Variants in GLCE observed in about 807,000 individuals in gnomAD.
GLCE encodes the protein glucuronic acid epimerase, also known as D-glucuronyl C5-epimerase.
In GLCE, 19 loss-of-function variants were observed where a neutral mutation model predicts 47.9. The ratio of observed to expected loss-of-function variants is 0.40; its 90% CI spans 0.28 to 0.58. The LOEUF (loss-of-function observed/expected upper bound fraction) is 0.58, where lower values mean the gene tolerates loss of function less well. GLCE is among the 20% of genes least tolerant of loss of function. The pLI, the probability that GLCE is intolerant of heterozygous loss-of-function variation, is 0.48. For missense variants in GLCE, 556 were observed against 743.3 expected, an observed-to-expected ratio of 0.75 and a Z score of 2.93; for synonymous variants, 245 against 263.4, an observed-to-expected ratio of 0.93 and a Z score of 0.68.
At chr15:69,267,255 A>C (rs1200212412) in intron 4 of GLCE, among the ~76,000 whole-genome samples, 1 of 152,200 alleles carries the variant, frequency 6.6e-6, no homozygotes, top group Non-Finnish European at 1.5e-5. Flanking sequence ...TCGGAATAAT[A>C]ACCATCATTT....
intron 1 of GLCE, among the ~76,000 whole-genome samples, chr15:69,170,463 T>A (rs1204119026): frequency 6.6e-6 from 1 of 152,168 alleles, no homozygotes; most frequent in Non-Finnish European, 1.5e-5. Context: ...AACAGTTTTT[T>A]ATGTATACTT....
In GLCE at chr15:69,239,264, C is replaced by T. The variant is rs559749076; in HGVS notation, c.-13-16530C>T. ...CTACTGAGAGATGTGCTGTTTTGCC[C>T]TTCTGCCTTTCTTTTTCTTTCTGGG... On this transcript the variant is annotated intron_variant, in intron 2 of 4. Coordinates refer to ENST00000261858, the MANE Select transcript of GLCE (RefSeq NM_015554.3). Among the ~76,000 whole-genome samples, 13 of 152,250 alleles carry T rather than the reference C, an allele frequency of 8.5e-5. No homozygotes were observed. The South Asian group carries it at 2.7e-3, about 32-fold the overall frequency.
chr15:69,176,438 G>A (rs2051666474), intron 1 of GLCE, among the ~76,000 whole-genome samples: 3 of 151,676 alleles, frequency 2.0e-5, no homozygotes, highest in Admixed American at 6.6e-5. Flanking sequence ...TGGCCAGGCT[G>A]GTCTCAAACT....
At chr15:69,177,249 A>C (rs550940793) in intron 1 of GLCE, among the ~76,000 whole-genome samples, 11 of 148,916 alleles carry the variant, frequency 7.4e-5, no homozygotes, top group African/African-American at 2.5e-4. Flanking sequence ...TTTTTAGTAG[A>C]GACAGAGTTT....
At chr15:69,237,590 C>CT (rs1430828405) in intron 2 of GLCE, among the ~76,000 whole-genome samples, 3 of 151,872 alleles carry the variant, frequency 2.0e-5, no homozygotes, top group African/African-American at 7.3e-5. Context: ...TGACAAGACT[C>CT]TGTCTCCAAA....
intron 1 of GLCE, among the ~76,000 whole-genome samples, chr15:69,208,173 T>G (rs1457608575): frequency 6.6e-6 from 1 of 151,986 alleles, no homozygotes; most frequent in East Asian, 1.9e-4. Context: ...ACTTTTAATT[T>G]TATGGATTAT....
At chr15:69,227,364 A>G (rs2140398828) in intron 2 of GLCE, among the ~76,000 whole-genome samples, 1 of 152,248 alleles carries the variant, frequency 6.6e-6, no homozygotes, top group Non-Finnish European at 1.5e-5. Flanking sequence ...CCCTATGATA[A>G]CTCAAGTCAC....
intron 2 of GLCE, among the ~76,000 whole-genome samples, chr15:69,241,086 C>G (rs1162590119): frequency 1.3e-5 from 2 of 152,162 alleles, no homozygotes; most frequent in Non-Finnish European, 2.9e-5. Context: ...TCATCATCAT[C>G]ATGATCATCA....
Position 69,160,967 on chromosome 15 carries a change from G to GTT in GLCE, c.-105+210_-105+211insTT, listed in dbSNP as rs2051409219. Among the ~76,000 whole-genome samples the GTT allele has an allele frequency of 6.6e-6, 1 of 151,994 alleles. No homozygotes were observed. The highest frequency in any genetic ancestry group is 1.9e-4 in the East Asian group (1 of 5,146). ...GCGGGCGCCCAAGGGCGGTGTAGCG[G>GTT]GTGCCGGAGCTCCCGAGGTGAGGGG... On this transcript the variant is annotated intron_variant, in intron 1 of 4. Transcript: ENST00000261858. The surrounding 1 kb of genome is among the most constrained non-coding windows in gnomAD (Gnocchi z 4.2).
intron 2 of GLCE, among the ~76,000 whole-genome samples, chr15:69,248,746 G>A (rs1014027627): frequency 1.3e-5 from 2 of 152,004 alleles, no homozygotes; most frequent in Non-Finnish European, 2.9e-5. Context: ...GACAACAGGT[G>A]CGCACCACCA....
At chr15:69,168,003 C>T (rs2051530579) in intron 1 of GLCE, among the ~76,000 whole-genome samples, 1 of 152,092 alleles carries the variant, frequency 6.6e-6, no homozygotes, top group African/African-American at 2.4e-5. Context: ...GAGAACTTTA[C>T]TGGTCACCTT....
intron 4 of GLCE, among the ~76,000 whole-genome samples, chr15:69,266,168 A>T (rs1279138124): frequency 6.6e-6 from 1 of 152,206 alleles, no homozygotes; most frequent in East Asian, 1.9e-4. Context: ...CTCATTCTTG[A>T]TACAACTTTC....
intron 2 of GLCE, among the ~76,000 whole-genome samples, chr15:69,227,280 C>T (rs2052463284): frequency 2.0e-5 from 3 of 152,076 alleles, no homozygotes. Flanking sequence ...AACTAATACC[C>T]TATAGAAAGG....
intron 2 of GLCE, among the ~76,000 whole-genome samples, chr15:69,252,137 T>C (rs966539885): frequency 1.3e-5 from 2 of 152,218 alleles, no homozygotes; most frequent in South Asian, 2.1e-4. Context: ...ATAAGGATTA[T>C]TGGAAGTTTT....
chr15:69,250,052 G>T lies in GLCE; in HGVS notation c.-13-5742G>T, dbSNP rs553490623. Among the ~76,000 whole-genome samples the T allele has an allele frequency of 2.3e-3, 343 of 152,244 alleles. 2 individuals are homozygous for T. The highest frequency in any genetic ancestry group is 8.7e-3 in the South Asian group (42 of 4,816). ...CTAATGAAATAAATCTTTAGGGTCA[G>T]CAGTAGGTGAGGTTTCAAGATTTTT... On this transcript the variant is annotated intron_variant, in intron 2 of 4. Coordinates refer to ENST00000261858, the MANE Select transcript of GLCE (RefSeq NM_015554.3).
intron 2 of GLCE, among the ~76,000 whole-genome samples, chr15:69,235,483 G>A (rs556735929): frequency 6.6e-6 from 1 of 152,128 alleles, no homozygotes; most frequent in South Asian, 2.1e-4. Context: ...CCTATTATGA[G>A]TGCCTACTGT....
intron 1 of GLCE, chr15:69,196,996 A>G (rs2140358742): frequency 3.3e-6 from 1 of 300,156 alleles, no homozygotes; most frequent in Non-Finnish European, 6.5e-6. Flanking sequence ...TCACTGTTTG[A>G]TGGTCTGCTG....
intron 1 of GLCE, among the ~76,000 whole-genome samples, chr15:69,187,326 G>A (rs753813186): frequency 2.6e-5 from 4 of 151,928 alleles, no homozygotes; most frequent in Non-Finnish European, 5.9e-5. Flanking sequence ...ATATATATAA[G>A]CCTTGAAAGG....
chr15:69,187,898 A>G (rs1221447836), intron 1 of GLCE, among the ~76,000 whole-genome samples: 1 of 152,068 alleles, frequency 6.6e-6, no homozygotes, highest in African/African-American at 2.4e-5. Context: ...CCCCGTCTCT[A>G]CTAAAAATAC....
Sources: gnomAD v4.1 joint callset for allele counts (sites outside exome capture counted in the v4.1 genomes callset) on GRCh38, gnomAD v4.1.1 for gene constraint, Gnocchi (gnomAD v3.1) non-coding constraint, MANE v1.5 for transcripts, NCBI Gene and HGNC (gene_info 2026-07-23, HGNC 2026-07-21) for gene names.